The following TEAD3 variants were observed in gnomAD, a reference collection of about 807,000 sequenced individuals.
The protein encoded by TEAD3 is transcriptional enhancer factor TEF-5.
TEAD3 carries 15 observed loss-of-function variants against 55.6 expected under a neutral mutation model. The ratio of observed to expected loss-of-function variants is 0.27; its 90% confidence interval spans 0.18 to 0.42. The LOEUF (loss-of-function observed/expected upper bound fraction) is 0.42, where lower values mean the gene tolerates loss of function less well. Ranked by LOEUF, TEAD3 falls within the 10% of genes least tolerant of loss-of-function variation. The pLI is 1.00. For synonymous variants in TEAD3, 210 were observed against 232.2 expected (o/e 0.90, Z 0.87); for missense variants, 407 against 576.8 (o/e 0.71, Z 3.01).
In TEAD3 at chr6:35,476,100, G is replaced by C. The variant is rs771050562; in HGVS notation, c.727-8C>G. The C allele has an allele frequency of 9.8e-6, 15 of 1,536,280 alleles. No homozygotes were observed. The highest frequency in any genetic ancestry group is 8.1e-5 in the Admixed American group (4 of 49,474). ...AAACAGGTGTTTGCTGTACTGTGGG[G>C]AGGGCCCAGACAGGGTCAGGAGAGT... On this transcript the variant is annotated splice_polypyrimidine_tract_variant and splice_region_variant and intron_variant, in intron 9 of 12. Transcript: ENST00000639578.
chr6:35,481,600 A>C (rs1465289478), intron 3 of TEAD3, among the ~76,000 whole-genome samples: 2 of 152,236 alleles, frequency 1.3e-5, no homozygotes, highest in Non-Finnish European at 2.9e-5. Flanking sequence ...CGTCCTCTGC[A>C]TTTATACATA....
chr6:35,486,410 C>CAGA lies in TEAD3; in HGVS notation c.202+48_202+50dup. 1 of 1,566,832 alleles carries CAGA rather than the reference C, an allele frequency of 6.4e-7. No homozygotes were observed. The highest frequency in any genetic ancestry group is 8.7e-7 in the Non-Finnish European group (1 of 1,152,222). On this transcript the variant is annotated intron_variant, in intron 2 of 12. Coordinates refer to ENST00000639578, the Ensembl canonical transcript of TEAD3. The surrounding 1 kb of genome is among the most constrained non-coding windows in gnomAD (Gnocchi z 7.3). ...TCACCAAACCGGTTGGGTGAGAGGG[C>CAGA]AGAGAGCAGGGGGAAGGGCCGCAGT...
chr6:35,480,486 A>C (rs1768245717), intron 3 of TEAD3, 112 bp from the exon 4 acceptor site: 1 of 1,089,018 alleles, frequency 9.2e-7, no homozygotes, highest in Non-Finnish European at 1.4e-6. Flanking sequence ...CTAGGGAACT[A>C]CATGTAAATG....
At chr6:35,474,969 A>AC (rs759942092) in exon 13 of TEAD3, 44 of 1,285,202 alleles carry the variant, frequency 3.4e-5, no homozygotes, top group Middle Eastern at 2.3e-4. Context: ...TCAATCCTGG[A>AC]CCCCCCCAGG....
chr6:35,473,711 C>T (rs1314631135), downstream of TEAD3: 1 of 145,582 alleles, frequency 6.9e-6, no homozygotes, highest in Admixed American at 7.0e-5. Flanking sequence ...TATGATATAA[C>T]CCATCACAGC....
chr6:35,477,790 T>C (rs1768182013), intron 7 of TEAD3, among the ~76,000 whole-genome samples: 1 of 148,738 alleles, frequency 6.7e-6, no homozygotes, highest in Admixed American at 6.7e-5. Context: ...GATGAGAGAA[T>C]GCATAGTGAA....
rs538131171 is a variant in TEAD3, at chr6:35,488,605, G to C, written c.-49-1894C>G. On this transcript the variant is annotated intron_variant, in intron 1 of 12. Coordinates refer to ENST00000639578, the Ensembl canonical transcript of TEAD3. This position sits in a 1 kb window ranked among gnomAD's most constrained non-coding sequence, Gnocchi z 4.2. ...TGAGTCGGGGTGGACTCTCTCTGCAGAGCCACCTGTTTGCTTAGGGAGGCT... is the reference window on the plus strand; with the variant it reads ...TGAGTCGGGGTGGACTCTCTCTGCACAGCCACCTGTTTGCTTAGGGAGGCT... Among the ~76,000 whole-genome samples the C allele has an allele frequency of 2.6e-5, 4 of 152,268 alleles. 1 individual carries two copies. In the South Asian group the frequency reaches 8.3e-4, roughly 32 times the overall value.
rs1768505414 is a variant in TEAD3, at chr6:35,491,047, TG to T, written c.-49-4337del. ...GACAGGAGGGGCAGGGGAGACAGGC[TG>T]GGGGAGAGTCTGGGGCAAAGAGAAG... On this transcript the variant is annotated intron_variant, in intron 1 of 12. Transcript: ENST00000639578. The surrounding 1 kb of genome is among the most constrained non-coding windows in gnomAD (Gnocchi z 4.4). Among the ~76,000 whole-genome samples, 1 of 145,242 alleles carries T rather than the reference TG, an allele frequency of 6.9e-6. No individual in the cohort carries two copies. The highest frequency in any genetic ancestry group is 2.2e-4 in the South Asian group (1 of 4,550).
chr6:35,478,407 C>T (rs1768197446), intron 6 of TEAD3, 27 bp downstream of exon 6: 11 of 1,613,504 alleles, frequency 6.8e-6, no homozygotes, highest in Non-Finnish European at 9.3e-6. Flanking sequence ...CACCCCCACA[C>T]CAGCCCACCT....
chr6:35,478,904 G>T (rs1005268613), intron 5 of TEAD3, among the ~76,000 whole-genome samples: 1 of 139,704 alleles, frequency 7.2e-6, no homozygotes, highest in Admixed American at 7.5e-5. Context: ...TTTTGAGACG[G>T]AGTCTCGCTC....
At chr6:35,479,991 C>T in intron 4 of TEAD3, 2 of 1,340,192 alleles carry the variant, frequency 1.5e-6, no homozygotes, top group Non-Finnish European at 1.0e-6. Flanking sequence ...GCTGGAGCCA[C>T]AGAGCAGCGA....
Position 35,486,367 on chromosome 6 carries a change from G to C in TEAD3, c.202+94C>G. 1 of 1,424,478 alleles carries C rather than the reference G, an allele frequency of 7.0e-7. No homozygotes were observed. The highest frequency in any genetic ancestry group is 9.4e-7 in the Non-Finnish European group (1 of 1,060,280). 88.2% of individuals were successfully genotyped at this position (1,424,478 alleles called of 1,614,324 possible). A position where few individuals can be genotyped will look rare whatever the true frequency, so the allele number is the denominator to read the frequency against. On this transcript the variant is annotated intron_variant, in intron 2 of 12. Transcript: ENST00000639578. This position sits in a 1 kb window ranked among gnomAD's most constrained non-coding sequence, Gnocchi z 7.3. Reference sequence around the variant, plus strand: ...GCGCGCCCAGACTCGCCCGGCCAGCGGCTGGCGGCCTCCGACGTCACCAAA... The same window carrying C: ...GCGCGCCCAGACTCGCCCGGCCAGCCGCTGGCGGCCTCCGACGTCACCAAA...
At chr6:35,482,297 C>T (rs750421197) in intron 3 of TEAD3, among the ~76,000 whole-genome samples, 1 of 152,174 alleles carries the variant, frequency 6.6e-6, no homozygotes, top group African/African-American at 2.4e-5. Context: ...CAAAAAAAAC[C>T]TTGTCAGTGG....
chr6:35,494,025 A>G (rs1019366794), intron 1 of TEAD3, among the ~76,000 whole-genome samples: 8 of 152,180 alleles, frequency 5.3e-5, no homozygotes, highest in African/African-American at 1.4e-4. Flanking sequence ...ATGGACGTGT[A>G]TATCTGTCAC....
exon 13 of TEAD3, chr6:35,474,998 AGAG>A (rs941797367): frequency 1.4e-6 from 2 of 1,438,056 alleles, no homozygotes; most frequent in Non-Finnish European, 1.9e-6. Context: ...GCAGGTGTGG[AGAG>A]GAGATGCTCA....
At chr6:35,493,563 C>T (rs185476404) in intron 1 of TEAD3, among the ~76,000 whole-genome samples, 32 of 152,346 alleles carry the variant, frequency 2.1e-4, no homozygotes, top group Non-Finnish European at 1.6e-4. Context: ...TGGCACATGT[C>T]GGATGGGGCC....
At chr6:35,480,132 G>A (rs1261974862) in intron 3 of TEAD3, 180 bp downstream of exon 4, 1 of 1,547,202 alleles carries the variant, frequency 6.5e-7, no homozygotes, top group African/African-American at 1.4e-5. Flanking sequence ...CCTGTAGAGA[G>A]AGAAAGAAAG....
At chr6:35,480,100 A>G (rs1367739780) in exon 4 of TEAD3, 1 of 1,531,976 alleles carries the variant, frequency 6.5e-7, no homozygotes, top group African/African-American at 1.4e-5. Context: ...CCGCCTGGCT[A>G]GAACTTGCAA....
Position 35,486,902 on chromosome 6 carries a change from C to T in TEAD3, c.-49-191G>A, listed in dbSNP as rs1024527170. Among the ~76,000 whole-genome samples the T allele has an allele frequency of 1.3e-5, 2 of 152,192 alleles. No homozygotes were observed. The highest frequency in any genetic ancestry group is 2.4e-5 in the African/African-American group (1 of 41,448). On this transcript the variant is annotated intron_variant, in intron 1 of 12. Coordinates refer to ENST00000639578, the Ensembl canonical transcript of TEAD3. The surrounding 1 kb of genome is among the most constrained non-coding windows in gnomAD (Gnocchi z 7.3). Reference sequence around the variant, plus strand: ...TCAGAGCTGTGTGACCTGGGATGCACGCGCTACTTCACCTCTCTAGGCCTC... The same window carrying T: ...TCAGAGCTGTGTGACCTGGGATGCATGCGCTACTTCACCTCTCTAGGCCTC...
Sources: allele counts gnomAD v4.1 joint callset (sites outside exome capture counted in the v4.1 genomes callset), GRCh38; gene constraint gnomAD v4.1.1; non-coding constraint Gnocchi (gnomAD v3.1); transcripts MANE v1.5; gene names NCBI Gene and HGNC (gene_info 2026-07-23, HGNC 2026-07-21).